CNTN5: variants seen among roughly 807,000 people sequenced by gnomAD.
CNTN5 encodes the protein contactin-5.
A neutral mutation model predicts 129.1 loss-of-function variants in CNTN5; 77 were observed. That is an observed-to-expected ratio of 0.60 (90% CI 0.50 to 0.72). CNTN5 has a LOEUF of 0.72. CNTN5 is among the 30% of genes least tolerant of loss of function. The pLI, the probability that CNTN5 is intolerant of heterozygous loss-of-function variation, is 0.00. For missense variants in CNTN5, 1,478 were observed against 1,328.8 expected (o/e 1.11, Z -1.75); for synonymous variants, 509 against 465.6 (o/e 1.09, Z -1.20).
chr11:99,229,284 A>G (rs1860856296), intron 1 of CNTN5, among the ~76,000 whole-genome samples: 2 of 152,080 alleles, frequency 1.3e-5, no homozygotes, highest in South Asian at 4.1e-4. Context: ...ACTAATGTGC[A>G]TTCAATGTGG....
At chr11:99,027,808 ATG>A (rs1863169229) in intron 1 of CNTN5, among the ~76,000 whole-genome samples, 1 of 151,684 alleles carries the variant, frequency 6.6e-6, no homozygotes, top group Non-Finnish European at 1.5e-5. Context: ...CAAGCAATTT[ATG>A]TGTTTGGGGG....
intron 13 of CNTN5, among the ~76,000 whole-genome samples, chr11:100,188,546 C>T (rs1014835307): frequency 1.3e-5 from 2 of 152,266 alleles, no homozygotes; most frequent in African/African-American, 2.4e-5. Context: ...GAGACACCAT[C>T]TCACACCAGT....
At chr11:100,309,789 G>A in intron 21 of CNTN5, 1 of 742,698 alleles carries the variant, frequency 1.3e-6, no homozygotes, top group Non-Finnish European at 1.6e-6. Context: ...TATGGAGGAG[G>A]GACACGTGCC....
chr11:99,931,580 C>G (rs768753943), intron 7 of CNTN5, among the ~76,000 whole-genome samples: 1 of 152,118 alleles, frequency 6.6e-6, no homozygotes, highest in Non-Finnish European at 1.5e-5. Flanking sequence ...TCTTTATAGT[C>G]TACACAGAAA....
intron 9 of CNTN5, among the ~76,000 whole-genome samples, chr11:100,029,545 T>TGAACTCCA (rs1417257044): frequency 6.6e-6 from 1 of 151,958 alleles, no homozygotes; most frequent in African/African-American, 2.4e-5. Flanking sequence ...ATGGCGCCAC[T>TGAACTCCA]GAACTCCAGC....
intron 3 of CNTN5, among the ~76,000 whole-genome samples, chr11:99,709,727 A>G (rs1565448775): frequency 6.6e-6 from 1 of 151,966 alleles, no homozygotes; most frequent in African/African-American, 2.4e-5. Context: ...AAGTTTGAAA[A>G]GGATTCATTA....
intron 1 of CNTN5, among the ~76,000 whole-genome samples, chr11:99,288,276 G>A (rs982936094): frequency 6.6e-6 from 1 of 151,650 alleles, no homozygotes; most frequent in Non-Finnish European, 1.5e-5. Context: ...TAGCCAATTA[G>A]GACACTCACT....
intron 13 of CNTN5, among the ~76,000 whole-genome samples, chr11:100,112,234 A>T (rs1348181254): frequency 6.6e-6 from 1 of 152,134 alleles, no homozygotes; most frequent in African/African-American, 2.4e-5. Flanking sequence ...TCCAACATCC[A>T]AAGAGATAAG....
At chr11:99,162,258 T>A (rs1449700474) in intron 1 of CNTN5, among the ~76,000 whole-genome samples, 1 of 148,202 alleles carries the variant, frequency 6.7e-6, no homozygotes, top group African/African-American at 2.5e-5. Flanking sequence ...GAAAGTTGGC[T>A]TGAGGGTTCC....
At chr11:99,122,443 C>A (rs1457196827) in intron 1 of CNTN5, among the ~76,000 whole-genome samples, 2 of 151,490 alleles carry the variant, frequency 1.3e-5, no homozygotes, top group Non-Finnish European at 2.9e-5. Context: ...AGGTCAATAA[C>A]AATCTAAATA....
intron 1 of CNTN5, among the ~76,000 whole-genome samples, chr11:99,301,185 C>G (rs958417492): frequency 5.3e-5 from 8 of 151,102 alleles, no homozygotes; most frequent in Non-Finnish European, 1.0e-4. Context: ...AATCTAAGAA[C>G]AGAAATAATA....
intron 3 of CNTN5, among the ~76,000 whole-genome samples, chr11:99,736,266 G>T (rs928402900): frequency 6.6e-6 from 1 of 152,160 alleles, no homozygotes; most frequent in South Asian, 2.1e-4. Context: ...GCAGGGTGGG[G>T]TTAGCTAGGT....
chr11:99,921,857 C>T (rs540739665), intron 7 of CNTN5, among the ~76,000 whole-genome samples: 15 of 152,010 alleles, frequency 9.9e-5, no homozygotes, highest in Non-Finnish European at 1.9e-4. Context: ...AGGAAAAAAA[C>T]AGATCAGCTA....
In CNTN5 at chr11:100,002,048, T is replaced by TA; in HGVS notation, c.893dup (p.Tyr298Ter). 1 of 1,594,554 alleles carries TA rather than the reference T, an allele frequency of 6.3e-7. No homozygotes were observed. Among genetic ancestry groups the TA allele is most frequent in the Non-Finnish European group, 8.5e-7 (1 of 1,173,214 alleles). The change falls in exon 9 of 25, where the codon TAT becomes TAAT. Residue 298 changes from tyrosine (Y) to a stop codon, truncating the protein, a stop_gained and frameshift_variant. Coordinates refer to ENST00000524871, the MANE Select transcript of CNTN5 (RefSeq NM_014361.4). LOFTEE classifies it high-confidence loss of function. ...TTCTTTCTAAGGTGTGATGGGAGAA[T>TA]ATGAGCCGAAAATTGAGGTCCATTT... is the stretch of plus-strand genomic sequence containing the variant. ...TLRNDGVMGE[Y>*]EPKIEVHFPF...
chr11:100,023,519 C>T (rs949862938), intron 9 of CNTN5, among the ~76,000 whole-genome samples: 1 of 152,184 alleles, frequency 6.6e-6, no homozygotes, highest in Non-Finnish European at 1.5e-5. Flanking sequence ...TTATCACACA[C>T]AGACCATAAT....
intron 1 of CNTN5, among the ~76,000 whole-genome samples, chr11:99,128,448 C>T (rs187282494): frequency 3.4e-5 from 5 of 147,798 alleles, no homozygotes; most frequent in African/African-American, 1.2e-4. Context: ...CACATGAATT[C>T]CAGCAATTCC....
At chr11:100,173,520 C>T (rs1048443183) in intron 13 of CNTN5, among the ~76,000 whole-genome samples, 5 of 152,080 alleles carry the variant, frequency 3.3e-5, no homozygotes, top group African/African-American at 7.2e-5. Flanking sequence ...ACACCTCCAC[C>T]GTTTAGAAAG....
intron 2 of CNTN5, among the ~76,000 whole-genome samples, chr11:99,388,671 T>A (rs1201889030): frequency 6.6e-6 from 1 of 152,192 alleles, no homozygotes; most frequent in Non-Finnish European, 1.5e-5. Flanking sequence ...TAAATTTCTA[T>A]GTCAGTGAAA....
intron 2 of CNTN5, among the ~76,000 whole-genome samples, chr11:99,396,477 C>T (rs1453921163): frequency 1.3e-5 from 2 of 151,154 alleles, no homozygotes; most frequent in East Asian, 3.9e-4. Flanking sequence ...TTTATAAACC[C>T]CAGTCAGTAT....
Sources: gnomAD v4.1 joint callset for allele counts (sites outside exome capture counted in the v4.1 genomes callset) on GRCh38, gnomAD v4.1.1 for gene constraint, MANE v1.5 for transcripts, NCBI Gene and HGNC (gene_info 2026-07-23, HGNC 2026-07-21) for gene names.